NCALD: variants seen among roughly 807,000 people sequenced by gnomAD.
NCALD encodes the protein neurocalcin delta, also known as neurocalcin-delta.
NCALD carries 10 observed loss-of-function variants against 18.6 expected under a neutral mutation model. The observed-to-expected ratio is 0.54, with a 90% CI of 0.33 to 0.91. NCALD has a LOEUF of 0.91. NCALD is among the 40% of genes least tolerant of loss of function. The probability of loss-of-function intolerance (pLI) is 0.03; values close to 1 mark genes in which losing one functional copy is unlikely to be tolerated. For synonymous variants in NCALD, 88 were observed against 87.4 expected, an observed-to-expected ratio of 1.01 and a Z score of -0.04; for missense variants, 184 against 247.6, an observed-to-expected ratio of 0.74 and a Z score of 1.72.
At chr8:101,975,695 A>G (rs118047696) in intron 2 of NCALD, among the ~76,000 whole-genome samples, 2,678 of 152,326 alleles carry the variant, frequency 0.018, 28 homozygotes, top group South Asian at 0.03. Context: ...TCCTTGGGAC[A>G]GTGCAGAGGT....
In NCALD at chr8:101,843,263, T is replaced by C. The variant is rs139091391; in HGVS notation, c.-20+43878A>G. On this transcript the variant is annotated intron_variant, in intron 4 of 6. Coordinates refer to the NCALD transcript ENST00000311028. The stretch of plus-strand genomic sequence containing the variant: ...AGGTAATTGTAGGAAGAGTACACAA[T>C]ATCTACTCAAAAAGATATCATGAGG... Among the ~76,000 whole-genome samples the C allele has an allele frequency of 1.8e-3, 277 of 152,328 alleles. 1 individual carries two copies. Among genetic ancestry groups the C allele is most frequent in the East Asian group, 5.0e-3 (26 of 5,188 alleles).
At position 101,953,195 on chromosome 8, in the gene NCALD, C is replaced by CT. The variant is rs143195588; in HGVS notation, c.-156-37338_-156-37337insA. On this transcript the variant is annotated intron_variant, in intron 2 of 6. Transcript: ENST00000311028. ...GGCAGATGGGGCAGTGGCTCACCCC[C>CT]GTCACCCATTTCATCTGTCACCAGA... Among the ~76,000 whole-genome samples the CT allele has an allele frequency of 9.2e-3, 1,407 of 152,262 alleles. 16 individuals are homozygous for CT. Among genetic ancestry groups the CT allele is most frequent in the Middle Eastern group, 0.027 (8 of 294 alleles).
intron 1 of NCALD, among the ~76,000 whole-genome samples, chr8:102,086,811 C>T (rs1195109743): frequency 6.6e-6 from 1 of 152,108 alleles, no homozygotes; most frequent in Admixed American, 6.5e-5. Flanking sequence ...GAGATCAGCA[C>T]AAGATACAGG....
intron 4 of NCALD, among the ~76,000 whole-genome samples, chr8:101,834,010 T>C (rs1197477599): frequency 6.6e-6 from 1 of 152,150 alleles, no homozygotes; most frequent in African/African-American, 2.4e-5. Flanking sequence ...TGATCATTGT[T>C]TTATAATAGC....
chr8:101,791,816 C>T (rs1812456871), upstream of NCALD, among the ~76,000 whole-genome samples: 1 of 152,152 alleles, frequency 6.6e-6, no homozygotes, highest in South Asian at 2.1e-4. Context: ...TGAGACTCAA[C>T]ATTGAGTAAA....
chr8:101,748,538 C>T (rs1810520603), intron 1 of NCALD, among the ~76,000 whole-genome samples: 3 of 152,160 alleles, frequency 2.0e-5, no homozygotes, highest in South Asian at 4.1e-4. Context: ...CCACCCTGCC[C>T]ATGGTGGGCT....
chr8:102,082,919 G>T (rs948735562), intron 1 of NCALD, among the ~76,000 whole-genome samples: 1 of 152,224 alleles, frequency 6.6e-6, no homozygotes, highest in Non-Finnish European at 1.5e-5. Context: ...TAATTTGCCA[G>T]TCCACGGGTG....
intron 1 of NCALD, among the ~76,000 whole-genome samples, chr8:102,058,416 T>A (rs1823728009): frequency 6.6e-6 from 1 of 152,242 alleles, no homozygotes; most frequent in Non-Finnish European, 1.5e-5. Flanking sequence ...AGAAATGGAA[T>A]GTTCCCACTT....
intron 1 of NCALD, among the ~76,000 whole-genome samples, chr8:101,724,790 A>C (rs1816501131): frequency 6.6e-6 from 1 of 152,178 alleles, no homozygotes; most frequent in Non-Finnish European, 1.5e-5. Context: ...TGAATGAGAG[A>C]GCCTAACTGT....
chr8:102,120,340 C>T (rs1825909614), intron 1 of NCALD, among the ~76,000 whole-genome samples: 1 of 152,200 alleles, frequency 6.6e-6, no homozygotes, highest in Non-Finnish European at 1.5e-5. Context: ...AAGCCCAAGC[C>T]TAGTAACATG....
intron 4 of NCALD, among the ~76,000 whole-genome samples, chr8:101,797,231 G>C (rs1295711751): frequency 1.3e-5 from 2 of 152,036 alleles, no homozygotes; most frequent in Non-Finnish European, 2.9e-5. Context: ...AAATGTTTGG[G>C]GTTTGCAACG....
At chr8:101,879,434 T>C (rs1586681020) in intron 4 of NCALD, among the ~76,000 whole-genome samples, 1 of 152,034 alleles carries the variant, frequency 6.6e-6, no homozygotes, top group African/African-American at 2.4e-5. Flanking sequence ...GGCTTCGTGG[T>C]CTCGCTGGCC....
intron 1 of NCALD, among the ~76,000 whole-genome samples, chr8:102,051,765 A>G (rs1823468108): frequency 6.6e-6 from 1 of 152,250 alleles, no homozygotes; most frequent in African/African-American, 2.4e-5. Flanking sequence ...ATCAGAACAC[A>G]GAAGTCCAAA....
intron 4 of NCALD, among the ~76,000 whole-genome samples, chr8:101,862,646 T>C (rs2131372677): frequency 6.6e-6 from 1 of 152,358 alleles, no homozygotes; most frequent in East Asian, 1.9e-4. Context: ...GCTGTGTACA[T>C]TTCTCACTGA....
At position 101,689,199 on chromosome 8, in the gene NCALD, G is replaced by A. The variant is rs768501975; in HGVS notation, c.*110C>T. On this transcript the variant is annotated 3_prime_UTR_variant, in exon 4 of 4. Coordinates refer to ENST00000220931, the MANE Select transcript of NCALD (RefSeq NM_032041.3). The surrounding 1 kb of genome is among the most constrained non-coding windows in gnomAD (Gnocchi z 4.4). The stretch of plus-strand genomic sequence containing the variant: ...GAGGAAGGCGCATCAGACCGCACAG[G>A]GGACGGCATCACCATTGATATTGTT... The A allele has an allele frequency of 8.1e-6, 8 of 992,224 alleles. No homozygotes were observed. The highest frequency in any genetic ancestry group is 4.1e-5 in the South Asian group (3 of 72,596). 61.5% of individuals were successfully genotyped at this position (992,224 alleles called of 1,614,324 possible). A position where few individuals can be genotyped will look rare whatever the true frequency, so the allele number is the denominator to read the frequency against.
chr8:101,846,192 G>T (rs137987995), intron 4 of NCALD, among the ~76,000 whole-genome samples: 1 of 152,150 alleles, frequency 6.6e-6, no homozygotes, highest in African/African-American at 2.4e-5. Flanking sequence ...TCAGCAGTGG[G>T]ATTGCTAGAT....
At chr8:101,875,070 G>C (rs560778832) in intron 4 of NCALD, among the ~76,000 whole-genome samples, 61 of 152,312 alleles carry the variant, frequency 4.0e-4, no homozygotes, top group Non-Finnish European at 6.8e-4. Context: ...CCAGTACTGA[G>C]AGTTTGCTAT....
chr8:102,064,592 T>C (rs1016378616), intron 1 of NCALD, among the ~76,000 whole-genome samples: 1 of 152,246 alleles, frequency 6.6e-6, no homozygotes, highest in South Asian at 2.1e-4. Flanking sequence ...CTACAAGTGA[T>C]GCAGGTCCAA....
chr8:101,907,940 G>C (rs956347718), intron 3 of NCALD, among the ~76,000 whole-genome samples: 6 of 152,096 alleles, frequency 3.9e-5, no homozygotes, highest in Admixed American at 6.6e-5. Context: ...TGCCATGCTG[G>C]GATTCCACAA....
Sources: gnomAD v4.1 joint callset for allele counts (sites outside exome capture counted in the v4.1 genomes callset) on GRCh38, gnomAD v4.1.1 for gene constraint, Gnocchi (gnomAD v3.1) non-coding constraint, MANE v1.5 for transcripts, NCBI Gene and HGNC (gene_info 2026-07-23, HGNC 2026-07-21) for gene names.